Variants in GOPC observed in about 807,000 individuals in gnomAD.
The protein encoded by GOPC is Golgi-associated PDZ and coiled-coil motif-containing protein.
GOPC carries 32 observed loss-of-function variants against 51.2 expected under a neutral mutation model. The observed-to-expected ratio is 0.63, with a 90% CI of 0.47 to 0.84. GOPC has a LOEUF of 0.84. Ranked by LOEUF, GOPC falls within the 40% of genes least tolerant of loss-of-function variation. The pLI is 0.00. For synonymous variants in GOPC, 190 were observed against 205.1 expected (o/e 0.93, Z 0.63); for missense variants, 441 against 555.5 (o/e 0.79, Z 2.07).
chr6:117,576,593 T>TGA (rs1779883811), intron 3 of GOPC, among the ~76,000 whole-genome samples: 2 of 152,238 alleles, frequency 1.3e-5, no homozygotes, highest in Admixed American at 1.3e-4. Flanking sequence ...TCAATTACTT[T>TGA]AATGAGCTAT....
chr6:117,561,844 ATAAAG>A lies in GOPC; in HGVS notation c.*1405_*1409del, dbSNP rs1386316694. 4.8e-6 allele frequency: 1 copy of A among 206,594 alleles called. No homozygotes were observed. Among genetic ancestry groups the A allele is most frequent in the East Asian group, 7.4e-5 (1 of 13,514 alleles). 12.8% of individuals were successfully genotyped at this position (206,594 alleles called of 1,614,324 possible). A position where few individuals can be genotyped will look rare whatever the true frequency, so the allele number is the denominator to read the frequency against. On this transcript the variant is annotated 3_prime_UTR_variant, in exon 9 of 9. Coordinates refer to ENST00000368498, the MANE Select transcript of GOPC (RefSeq NM_020399.4). ...AATTTATAAATAGCAAAACCACAAA[ATAAAG>A]TATATACATTTTATAGATTTACCCT... is the stretch of plus-strand genomic sequence containing the variant.
Position 117,563,061 on chromosome 6 carries a change from GCT to G in GOPC, c.*191_*192del, listed in dbSNP as rs1779618218. 9.1e-6 allele frequency: 5 copies of G among 547,722 alleles called. No individual in the cohort carries two copies. Among genetic ancestry groups the G allele is most frequent in the Non-Finnish European group, 1.6e-5 (5 of 310,066 alleles). 33.9% of individuals were successfully genotyped at this position (547,722 alleles called of 1,614,324 possible). A position where few individuals can be genotyped will look rare whatever the true frequency, so the allele number is the denominator to read the frequency against. On this transcript the variant is annotated 3_prime_UTR_variant, in exon 9 of 9. Coordinates refer to ENST00000368498, the MANE Select transcript of GOPC (RefSeq NM_020399.4). ...AATCAAAATTGCTTTACATGCAATA[GCT>G]AATTATGGTCTACCACAGAAAACAG...
At chr6:117,596,524 G>C (rs1245508866) in intron 1 of GOPC, among the ~76,000 whole-genome samples, 1 of 152,076 alleles carries the variant, frequency 6.6e-6, no homozygotes, top group Non-Finnish European at 1.5e-5. Context: ...TATGGTTTCA[G>C]GTCTTAGATT....
In GOPC at chr6:117,566,978, A is replaced by G. The variant is rs114510947; in HGVS notation, c.1134T>C (p.Asp378=). ...VYVAPEVDSD[D]ENVEYEDESG... Reference sequence around the variant, plus strand: ...TCTCATCTTCATACTCTACGTTTTCATCATCAGAATCCACTTCAGGAGCCA... The same window carrying G: ...TCTCATCTTCATACTCTACGTTTTCGTCATCAGAATCCACTTCAGGAGCCA... Residue 378 remains aspartate, a synonymous_variant, in exon 8 of 9, where the codon GAT becomes GAC. Transcript: ENST00000368498. 1,932 of 1,610,474 alleles carry G rather than the reference A, an allele frequency of 1.2e-3. 2 individuals are homozygous for G. The highest frequency in any genetic ancestry group is 4.0e-3 in the Middle Eastern group (24 of 6,044).
chr6:117,602,354 G>A lies in GOPC; in HGVS notation c.-66C>T. ...CCGCCCCCCGCGCACGAAGGGAACT[G>A]CTGGGACTGAGGGGACCCCCGCGCG... is the stretch of plus-strand genomic sequence containing the variant. On this transcript the variant is annotated 5_prime_UTR_variant, in exon 1 of 9. Transcript: ENST00000368498. 1 of 1,461,796 alleles carries A rather than the reference G, an allele frequency of 6.8e-7. No individual in the cohort carries two copies. Among genetic ancestry groups the A allele is most frequent in the Non-Finnish European group, 9.0e-7 (1 of 1,110,578 alleles). 90.6% of individuals were successfully genotyped at this position (1,461,796 alleles called of 1,614,324 possible).
chr6:117,588,492 T>C (rs995262687), intron 1 of GOPC, among the ~76,000 whole-genome samples: 1 of 152,032 alleles, frequency 6.6e-6, no homozygotes, highest in Non-Finnish European at 1.5e-5. Context: ...GCCAGACTGG[T>C]TTTGAACTCC....
intron 7 of GOPC, among the ~76,000 whole-genome samples, chr6:117,569,277 T>G (rs1779759761): frequency 6.6e-6 from 1 of 152,216 alleles, no homozygotes; most frequent in Admixed American, 6.5e-5. Flanking sequence ...GAGTACTTTA[T>G]ATGTATTAAC....
intron 1 of GOPC, among the ~76,000 whole-genome samples, chr6:117,596,278 G>T (rs891861950): frequency 6.6e-6 from 1 of 151,998 alleles, no homozygotes. Flanking sequence ...TGAGTTCCTT[G>T]TAGAGTCTGG....
At chr6:117,583,458 T>G (rs1265471106) in intron 1 of GOPC, among the ~76,000 whole-genome samples, 1 of 152,078 alleles carries the variant, frequency 6.6e-6, no homozygotes, top group East Asian at 1.9e-4. Context: ...TCCCCAACAC[T>G]AAATGCTTTT....
At position 117,577,657 on chromosome 6, in the gene GOPC, G is replaced by C. The variant is rs573276141; in HGVS notation, c.451-186C>G. On this transcript the variant is annotated intron_variant, in intron 2 of 8. Coordinates refer to ENST00000368498, the MANE Select transcript of GOPC (RefSeq NM_020399.4). ...TAATAGCATTAGATTAAAACTTTTT[G>C]TTTTATCAAAATTAGTCAACATAAC... 2.0e-5 allele frequency among the ~76,000 whole-genome samples: 3 copies of C among 152,012 alleles called. No homozygotes were observed. In the South Asian group the frequency reaches 6.2e-4, roughly 32 times the overall value.
At chr6:117,598,540 G>A (rs10457316) in intron 1 of GOPC, among the ~76,000 whole-genome samples, 36,630 of 152,052 alleles carry the variant, frequency 0.24, 4,890 homozygotes, top group East Asian at 0.33. Flanking sequence ...CCACAGGACA[G>A]CGTGGGGATG....
chr6:117,592,770 C>T (rs768727673), intron 1 of GOPC, among the ~76,000 whole-genome samples: 4 of 152,154 alleles, frequency 2.6e-5, no homozygotes, highest in East Asian at 1.9e-4. Flanking sequence ...TGGAGGGATA[C>T]GATTCAACCC....
At chr6:117,571,731 G>A (rs879650066) in intron 5 of GOPC, among the ~76,000 whole-genome samples, 1 of 151,912 alleles carries the variant, frequency 6.6e-6, no homozygotes, top group Non-Finnish European at 1.5e-5. Context: ...TCTTTTCTGT[G>A]GTCACCAGTA....
At chr6:117,598,785 C>T (rs890539029) in intron 1 of GOPC, among the ~76,000 whole-genome samples, 6 of 151,968 alleles carry the variant, frequency 3.9e-5, no homozygotes, top group South Asian at 4.1e-4. Flanking sequence ...GTCCACAGCC[C>T]GGGGTAACAA....
intron 1 of GOPC, among the ~76,000 whole-genome samples, chr6:117,600,561 T>G (rs1039902642): frequency 6.6e-6 from 1 of 152,144 alleles, no homozygotes; most frequent in African/African-American, 2.4e-5. Context: ...CAAAGCACTT[T>G]GGGAGGCCAA....
In GOPC at chr6:117,561,084, C is replaced by T; in HGVS notation, c.*2170G>A. ...ACAGTAGCATCTGAGCAACGGTGCT[C>T]TCCCGTAGGCTTATAAACCACAGTG... is the stretch of plus-strand genomic sequence containing the variant. On this transcript the variant is annotated 3_prime_UTR_variant, in exon 9 of 9. Transcript: ENST00000368498. 1 of 223,574 alleles carries T rather than the reference C, an allele frequency of 4.5e-6. No homozygotes were observed. The highest frequency in any genetic ancestry group is 6.5e-5 in the East Asian group (1 of 15,438). The allele number at this position is 223,574 out of a possible 1,614,324, so 13.8% of individuals were successfully genotyped here. A position where few individuals can be genotyped will look rare whatever the true frequency, so the allele number is the denominator to read the frequency against.
In GOPC at chr6:117,569,718, C is replaced by T. The variant is rs1165455084; in HGVS notation, c.931G>A (p.Val311Ile). 1 of 1,596,528 alleles carries T rather than the reference C, an allele frequency of 6.3e-7. No individual in the cohort carries two copies. The highest frequency in any genetic ancestry group is 1.1e-5 in the South Asian group (1 of 87,394). Residue 311 changes from valine (V) to isoleucine (I), a missense_variant, in exon 7 of 9, where the codon GTT becomes ATT. Val to Ile is a conservative substitution (Grantham distance 29). Transcript: ENST00000368498. ...TGGATCTCAGAGATGAGGATTGGAA[C>T]ACCATGTTCTTTCCCACCCTAACAA... ...ISITGGKEHGVPILISEIHPG... is the reference protein window; with the variant it reads ...ISITGGKEHGIPILISEIHPG...
intron 1 of GOPC, among the ~76,000 whole-genome samples, chr6:117,596,582 G>A (rs553540121): frequency 6.6e-6 from 1 of 152,198 alleles, no homozygotes; most frequent in Admixed American, 6.5e-5. Flanking sequence ...GGTAAGAGAG[G>A]AGGATCCAGT....
chr6:117,584,376 T>C (rs1422865286), intron 1 of GOPC, among the ~76,000 whole-genome samples: 11 of 152,242 alleles, frequency 7.2e-5, no homozygotes, highest in Admixed American at 1.3e-4. Flanking sequence ...TGCAAGTCTA[T>C]GCTTCCAGAA....
Sources: gnomAD v4.1 joint callset for allele counts (sites outside exome capture counted in the v4.1 genomes callset) on GRCh38, gnomAD v4.1.1 for gene constraint, MANE v1.5 for transcripts, NCBI Gene and HGNC (gene_info 2026-07-23, HGNC 2026-07-21) for gene names.